The following ARHGEF26 variants were observed in gnomAD, a reference collection of about 807,000 sequenced individuals.
ARHGEF26 encodes Rho guanine nucleotide exchange factor (GEF) 26.
Under a neutral mutation model 89.4 loss-of-function variants are expected in ARHGEF26, and 59 were observed. The observed-to-expected ratio is 0.66, with a 90% confidence interval of 0.54 to 0.82. The LOEUF is 0.82. ARHGEF26 is among the 40% of genes least tolerant of loss of function. The pLI is 0.00. For missense variants in ARHGEF26, 1,234 were observed against 1,085.6 expected, an observed-to-expected ratio of 1.14 and a Z score of -1.92; for synonymous variants, 500 against 428.4, an observed-to-expected ratio of 1.17 and a Z score of -2.06.
chr3:154,166,425 G>A lies in ARHGEF26; in HGVS notation c.1487+13493G>A, dbSNP rs376542418. ...AATAACCTGAGGATAGGAAGGTAACGTATGAAAATGGTTTTCTGAGAGGGA... is the reference window on the plus strand; with the variant it reads ...AATAACCTGAGGATAGGAAGGTAACATATGAAAATGGTTTTCTGAGAGGGA... On this transcript the variant is annotated intron_variant, in intron 6 of 14. Coordinates refer to ENST00000465093, the MANE Select transcript of ARHGEF26 (RefSeq NM_015595.4). Among the ~76,000 whole-genome samples, 12 of 152,164 alleles carry A rather than the reference G, an allele frequency of 7.9e-5. No individual in the cohort carries two copies. In the East Asian group the frequency reaches 1.2e-3, roughly 15 times the overall value.
intron 4 of ARHGEF26, among the ~76,000 whole-genome samples, chr3:154,134,369 T>C (rs1384068686): frequency 1.3e-5 from 2 of 152,012 alleles, no homozygotes; most frequent in African/African-American, 4.8e-5. Context: ...GCTTCCACAA[T>C]GGTGGAAGGC....
At chr3:154,143,950 C>T (rs980031955) in intron 4 of ARHGEF26, among the ~76,000 whole-genome samples, 3 of 152,148 alleles carry the variant, frequency 2.0e-5, no homozygotes, top group Non-Finnish European at 4.4e-5. Flanking sequence ...TTAGTCCAGG[C>T]TCAGTAGCCC....
chr3:154,232,915 A>C (rs9289941), intron 11 of ARHGEF26, among the ~76,000 whole-genome samples: 30,787 of 151,200 alleles, frequency 0.2, 3,398 homozygotes, highest in South Asian at 0.36. Flanking sequence ...GCAACCTCCA[A>C]CTCCTGGGTT....
At chr3:154,152,341 C>A (rs1284200291) in intron 5 of ARHGEF26, among the ~76,000 whole-genome samples, 2 of 152,130 alleles carry the variant, frequency 1.3e-5, no homozygotes, top group Non-Finnish European at 2.9e-5. Flanking sequence ...GAGAAATTTT[C>A]TCTGAATCTC....
chr3:154,123,571 A>C (rs556488537), intron 2 of ARHGEF26, among the ~76,000 whole-genome samples: 1 of 152,220 alleles, frequency 6.6e-6, no homozygotes, highest in African/African-American at 2.4e-5. Flanking sequence ...GTTACTACGC[A>C]CTTGATGTCA....
At chr3:154,136,967 AGC>A (rs1159683939) in intron 4 of ARHGEF26, among the ~76,000 whole-genome samples, 2 of 152,182 alleles carry the variant, frequency 1.3e-5, no homozygotes, top group Non-Finnish European at 2.9e-5. Flanking sequence ...CAGAACTGCA[AGC>A]ACATACTAGT....
At chr3:154,203,043 G>T (rs935787266) in intron 9 of ARHGEF26, among the ~76,000 whole-genome samples, 4 of 152,132 alleles carry the variant, frequency 2.6e-5, no homozygotes, top group Non-Finnish European at 4.4e-5. Context: ...ATATTGAATA[G>T]GAGTGGGGAG....
intron 4 of ARHGEF26, among the ~76,000 whole-genome samples, chr3:154,134,815 C>T (rs907744864): frequency 5.9e-5 from 9 of 151,540 alleles, no homozygotes; most frequent in Non-Finnish European, 1.2e-4. Context: ...TATCAAAAGC[C>T]TTTTCTGCAT....
chr3:154,224,217 CTGAT>C (rs1247908018), intron 10 of ARHGEF26, among the ~76,000 whole-genome samples: 6 of 152,118 alleles, frequency 3.9e-5, no homozygotes, highest in East Asian at 1.9e-4. Context: ...TAAAACCTAT[CTGAT>C]TGAGTTCAGT....
At chr3:154,248,750 G>A (rs1220580663) in intron 12 of ARHGEF26, among the ~76,000 whole-genome samples, 1 of 152,176 alleles carries the variant, frequency 6.6e-6, no homozygotes, top group Non-Finnish European at 1.5e-5. Flanking sequence ...TATAGCATGT[G>A]ACAAAAATCT....
intron 11 of ARHGEF26, among the ~76,000 whole-genome samples, chr3:154,237,762 C>A (rs1717210367): frequency 6.6e-6 from 1 of 152,152 alleles, no homozygotes; most frequent in South Asian, 2.1e-4. Context: ...ACCTACAACG[C>A]CTACACACAT....
Position 154,152,922 on chromosome 3 carries a change from G to A in ARHGEF26, c.1477G>A (p.Ala493Thr). 1 of 1,586,468 alleles carries A rather than the reference G, an allele frequency of 6.3e-7. No homozygotes were observed. The highest frequency in any genetic ancestry group is 8.6e-7 in the Non-Finnish European group (1 of 1,167,814). Reference sequence around the variant, plus strand: ...CTCCAATATTACAGATGTCTGTGAGGCAAGCAAAAAGTAAGTGCACTGCAG... The same window carrying A: ...CTCCAATATTACAGATGTCTGTGAGACAAGCAAAAAGTAAGTGCACTGCAG... ...LFSNITDVCEASKKFFIELEA... is the reference protein window; with the variant it reads ...LFSNITDVCETSKKFFIELEA... The change falls in exon 6 of 15, where the codon GCA (alanine) becomes ACA (threonine). Residue 493 changes from alanine to threonine, a missense_variant. Physicochemically the swap from Ala to Thr is moderately conservative, Grantham distance 58. Coordinates refer to ENST00000465093, the MANE Select transcript of ARHGEF26 (RefSeq NM_015595.4).
At chr3:154,242,787 C>T (rs1038912889) in intron 12 of ARHGEF26, among the ~76,000 whole-genome samples, 1 of 152,054 alleles carries the variant, frequency 6.6e-6, no homozygotes, top group Non-Finnish European at 1.5e-5. Context: ...CCACCCAAAC[C>T]TTCAGCAACC....
At chr3:154,199,372 G>A (rs1335226193) in intron 9 of ARHGEF26, among the ~76,000 whole-genome samples, 3 of 151,860 alleles carry the variant, frequency 2.0e-5, no homozygotes, top group East Asian at 1.9e-4. Flanking sequence ...AGTTCCAGCC[G>A]TGTTGTTGCA....
chr3:154,254,711 T>TC lies in ARHGEF26; in HGVS notation c.2369-9_2369-8insC. 6.2e-7 allele frequency: 1 copy of TC among 1,611,944 alleles called. No homozygotes were observed. Among genetic ancestry groups the TC allele is most frequent in the Non-Finnish European group, 8.5e-7 (1 of 1,178,426 alleles). ...ACTGGAAACTTAGTATGTCCTCTTT[T>TC]GGCCTCAGCACTGACCCAGGTGGAA... On this transcript the variant is annotated splice_polypyrimidine_tract_variant and intron_variant, in intron 13 of 14. Coordinates refer to ENST00000465093, the MANE Select transcript of ARHGEF26 (RefSeq NM_015595.4).
rs139195669 is a variant in ARHGEF26 at position 154,218,513 on chromosome 3, A to G, written c.1935+555A>G. 5.6e-4 allele frequency among the ~76,000 whole-genome samples: 86 copies of G among 152,366 alleles called. No homozygotes were observed. In the East Asian group the frequency reaches 0.016, roughly 29 times the overall value. On this transcript the variant is annotated intron_variant, in intron 10 of 14. Coordinates refer to ENST00000465093, the MANE Select transcript of ARHGEF26 (RefSeq NM_015595.4). ...AACAAAAAAGAAGAAAATGACAGCT[A>G]ATGGCAAATCTAGGTCATGGCCATT...
chr3:154,198,075 T>C (rs146407842), intron 9 of ARHGEF26, among the ~76,000 whole-genome samples: 2 of 152,242 alleles, frequency 1.3e-5, no homozygotes, highest in East Asian at 3.9e-4. Context: ...AACGTATTGC[T>C]TCAGCCATTT....
At chr3:154,216,620 G>T (rs13067711) in intron 9 of ARHGEF26, among the ~76,000 whole-genome samples, 3,523 of 131,654 alleles carry the variant, frequency 0.027, 69 homozygotes, top group Middle Eastern at 0.1. Flanking sequence ...TGCCATGCTG[G>T]TACGCTGCAC....
At chr3:154,203,170 C>T (rs1325397277) in intron 9 of ARHGEF26, among the ~76,000 whole-genome samples, 1 of 152,172 alleles carries the variant, frequency 6.6e-6, no homozygotes, top group Non-Finnish European at 1.5e-5. Flanking sequence ...AGAGATACGT[C>T]CCATTGATAC....
Sources: gnomAD v4.1 joint callset for allele counts (sites outside exome capture counted in the v4.1 genomes callset) on GRCh38, gnomAD v4.1.1 for gene constraint, MANE v1.5 for transcripts, NCBI Gene and HGNC (gene_info 2026-07-23, HGNC 2026-07-21) for gene names.